Variants in CELF4 observed in about 807,000 individuals in gnomAD.
CELF4 encodes the protein CUGBP Elav-like family member 4.
CELF4 carries 18 observed loss-of-function variants against 59.9 expected under a neutral mutation model. That is an observed-to-expected ratio of 0.30 (90% CI 0.21 to 0.45). CELF4 has a LOEUF of 0.45. Among genes scored for constraint, CELF4 ranks in the 20% least tolerant of loss-of-function variants. The pLI is 1.00. For missense variants in CELF4, 456 were observed against 689.0 expected, an observed-to-expected ratio of 0.66 and a Z score of 3.79; for synonymous variants, 261 against 267.1, an observed-to-expected ratio of 0.98 and a Z score of 0.22.
chr18:37,310,484 C>G (rs1207938128), intron 3 of CELF4, among the ~76,000 whole-genome samples: 2 of 152,242 alleles, frequency 1.3e-5, no homozygotes, highest in Non-Finnish European at 1.5e-5. Context: ...ATTCTGGCCT[C>G]TTGGGGTCTT....
intron 1 of CELF4, among the ~76,000 whole-genome samples, chr18:37,511,063 C>T (rs368106238): frequency 3.5e-4 from 53 of 152,288 alleles, no homozygotes; most frequent in African/African-American, 1.2e-3. Flanking sequence ...CATCCCCCAG[C>T]GGTGCTCTGT....
intron 2 of CELF4, among the ~76,000 whole-genome samples, chr18:37,342,632 A>G (rs976111270): frequency 6.6e-6 from 1 of 152,210 alleles, no homozygotes; most frequent in African/African-American, 2.4e-5. Context: ...GGGTCCAAGC[A>G]GAGTGGGGGA....
intron 2 of CELF4, among the ~76,000 whole-genome samples, chr18:37,333,255 A>G (rs2097618951): frequency 6.6e-6 from 1 of 152,180 alleles, no homozygotes. Context: ...GCTCAGGCCA[A>G]GCTCTGAACA....
chr18:37,456,033 T>C (rs1304560305), intron 2 of CELF4, among the ~76,000 whole-genome samples: 2 of 152,218 alleles, frequency 1.3e-5, no homozygotes, highest in African/African-American at 2.4e-5. Context: ...CCGTGGCTTC[T>C]GTTCTCCTCC....
intron 2 of CELF4, among the ~76,000 whole-genome samples, chr18:37,339,668 C>T (rs1222481201): frequency 7.3e-5 from 11 of 151,624 alleles, no homozygotes; most frequent in African/African-American, 1.7e-4. Flanking sequence ...GCAAGTGAAT[C>T]GCTTGAACCT....
intron 1 of CELF4, among the ~76,000 whole-genome samples, chr18:37,503,603 C>T (rs989369739): frequency 5.3e-5 from 8 of 152,194 alleles, no homozygotes; most frequent in African/African-American, 1.7e-4. Context: ...GAGACTCATG[C>T]GTGGAGGACA....
chr18:37,306,292 G>A (rs1053772690), intron 3 of CELF4: 1 of 152,304 alleles, frequency 6.6e-6, no homozygotes, highest in Non-Finnish European at 1.5e-5. Flanking sequence ...GCAAAGCAGA[G>A]GCGCCCTGTG....
intron 2 of CELF4, among the ~76,000 whole-genome samples, chr18:37,350,853 GGTC>G (rs2098423801): frequency 6.6e-6 from 1 of 152,142 alleles, no homozygotes; most frequent in Admixed American, 6.5e-5. Context: ...AAGTCCTGAG[GGTC>G]ACCAAGAGGA....
intron 1 of CELF4, among the ~76,000 whole-genome samples, chr18:37,550,083 T>TTG (rs757179608): frequency 1.1e-4 from 7 of 64,748 alleles, no homozygotes; most frequent in Admixed American, 3.2e-4. Flanking sequence ...GTCCAATGGG[T>TTG]GGGGGGGGGG....
intron 2 of CELF4, among the ~76,000 whole-genome samples, chr18:37,476,072 C>T (rs2099848090): frequency 6.6e-6 from 1 of 152,244 alleles, no homozygotes; most frequent in South Asian, 2.1e-4. Flanking sequence ...CTCCGAAGGT[C>T]ATCCCCACTC....
chr18:37,267,091 C>G (rs553166213), intron 8 of CELF4, among the ~76,000 whole-genome samples: 1 of 152,218 alleles, frequency 6.6e-6, no homozygotes, highest in Non-Finnish European at 1.5e-5. Context: ...CAGAGGGATG[C>G]GCCCTCACTG....
At chr18:37,313,627 C>A (rs910546032) in intron 3 of CELF4, among the ~76,000 whole-genome samples, 1 of 152,198 alleles carries the variant, frequency 6.6e-6, no homozygotes, top group Non-Finnish European at 1.5e-5. Context: ...TGGACGCTGC[C>A]CCCACCCAGG....
chr18:37,409,021 T>A (rs575624060), intron 2 of CELF4, among the ~76,000 whole-genome samples: 1 of 152,238 alleles, frequency 6.6e-6, no homozygotes, highest in East Asian at 1.9e-4. Context: ...ACTGAATGAC[T>A]CCAAATGAAG....
intron 2 of CELF4, among the ~76,000 whole-genome samples, chr18:37,444,383 C>T (rs564643354): frequency 2.6e-5 from 4 of 152,184 alleles, no homozygotes; most frequent in East Asian, 1.9e-4. Flanking sequence ...GACGCTTTGA[C>T]GAACTCCCTG....
intron 2 of CELF4, among the ~76,000 whole-genome samples, chr18:37,360,699 T>TC (rs751407307): frequency 1.1e-3 from 163 of 152,286 alleles, no homozygotes; most frequent in Non-Finnish European, 1.9e-3. Context: ...CAGGGAAGGC[T>TC]CCTCTGCTGG....
intron 11 of CELF4, among the ~76,000 whole-genome samples, chr18:37,257,532 A>G (rs867118247): frequency 6.6e-6 from 1 of 152,144 alleles, no homozygotes; most frequent in Non-Finnish European, 1.5e-5. Context: ...GGAAGGGACA[A>G]TGGTGCAAAG....
At chr18:37,386,069 T>G (rs117935645) in intron 2 of CELF4, among the ~76,000 whole-genome samples, 1,906 of 152,314 alleles carry the variant, frequency 0.013, 61 homozygotes, top group East Asian at 0.083. Context: ...TCTTTTTGCT[T>G]TGGGCATATT....
chr18:37,309,861 G>A (rs2096581181), intron 3 of CELF4, among the ~76,000 whole-genome samples: 1 of 149,342 alleles, frequency 6.7e-6, no homozygotes, highest in Admixed American at 6.8e-5. Context: ...CTGTTTTCAT[G>A]CCTTTGCCTG....
At chr18:37,525,208 G>T (rs28575748) in intron 1 of CELF4, among the ~76,000 whole-genome samples, 3,166 of 152,270 alleles carry the variant, frequency 0.021, 121 homozygotes, top group African/African-American at 0.073. Flanking sequence ...AGGGACGGTG[G>T]CCTGTCGCTC....
Sources: gnomAD v4.1 joint callset for allele counts (sites outside exome capture counted in the v4.1 genomes callset) on GRCh38, gnomAD v4.1.1 for gene constraint, MANE v1.5 for transcripts, NCBI Gene and HGNC (gene_info 2026-07-23, HGNC 2026-07-21) for gene names.